The following CCDC191 variants were observed in gnomAD, a reference collection of about 807,000 sequenced individuals.
The protein encoded by CCDC191 is coiled-coil domain containing 191.
In CCDC191, 99 loss-of-function variants were observed where a neutral mutation model predicts 114.0. The ratio of observed to expected loss-of-function variants is 0.87; its 90% CI spans 0.74 to 1.03. CCDC191 has a LOEUF of 1.03. CCDC191 is among the 50% of genes least tolerant of loss of function. The pLI is 0.00. For missense variants in CCDC191, 973 were observed against 1,087.0 expected (o/e 0.90, Z 1.47); for synonymous variants, 351 against 376.0 (o/e 0.93, Z 0.77).
intron 16 of CCDC191, among the ~76,000 whole-genome samples, chr3:113,967,730 C>A (rs1559863517): frequency 6.6e-6 from 1 of 152,100 alleles, no homozygotes; most frequent in Non-Finnish European, 1.5e-5. Context: ...AACATTAGGC[C>A]TTATTGCTTC....
intron 8 of CCDC191, among the ~76,000 whole-genome samples, chr3:114,017,181 C>G (rs1052101936): frequency 1.3e-5 from 2 of 149,576 alleles, no homozygotes; most frequent in African/African-American, 4.9e-5. Flanking sequence ...AGTTGACGTA[C>G]TTGACAACCA....
intron 13 of CCDC191, among the ~76,000 whole-genome samples, chr3:113,981,869 A>G (rs997432104): frequency 6.6e-6 from 1 of 152,118 alleles, no homozygotes; most frequent in African/African-American, 2.4e-5. Context: ...CAAGCTTTAT[A>G]CTCTTTATTT....
intron 16 of CCDC191, among the ~76,000 whole-genome samples, chr3:113,969,872 T>A (rs1280737692): frequency 6.6e-6 from 1 of 152,234 alleles, no homozygotes; most frequent in African/African-American, 2.4e-5. Flanking sequence ...ATTTTTTTTC[T>A]ATTTCCGTGA....
chr3:114,050,869 A>G (rs2076690747), intron 2 of CCDC191, among the ~76,000 whole-genome samples: 1 of 152,190 alleles, frequency 6.6e-6, no homozygotes, highest in South Asian at 2.1e-4. Context: ...AATGCCCTGG[A>G]GTAAGATGAG....
At chr3:113,999,714 CA>C (rs1004000212) in intron 13 of CCDC191, among the ~76,000 whole-genome samples, 1 of 152,096 alleles carries the variant, frequency 6.6e-6, no homozygotes, top group African/African-American at 2.4e-5. Context: ...GTTGTAGAAA[CA>C]AAAACTGTGT....
At chr3:113,991,204 C>A (rs2075550013) in intron 13 of CCDC191, among the ~76,000 whole-genome samples, 1 of 150,232 alleles carries the variant, frequency 6.7e-6, no homozygotes, top group Non-Finnish European at 1.5e-5. Flanking sequence ...CCACTGCACT[C>A]CAGCCTGGGC....
chr3:114,046,472 G>C, intron 3 of CCDC191, 119 bp downstream of exon 3: 1 of 716,080 alleles, frequency 1.4e-6, no homozygotes. Context: ...TTTCAGGGGA[G>C]TAGAAAGAAA....
intron 13 of CCDC191, among the ~76,000 whole-genome samples, chr3:113,991,090 G>C (rs991357017): frequency 3.3e-5 from 5 of 151,850 alleles, no homozygotes; most frequent in African/African-American, 9.7e-5. Context: ...ACAAAAATTA[G>C]CTGGGTGTGG....
At chr3:114,047,579 G>A (rs1025465845) in intron 2 of CCDC191, among the ~76,000 whole-genome samples, 4 of 151,932 alleles carry the variant, frequency 2.6e-5, no homozygotes, top group South Asian at 2.1e-4. Flanking sequence ...AGGAGGAATC[G>A]CTTGAGCCCA....
chr3:114,056,440 G>T lies in CCDC191; in HGVS notation c.27C>A (p.Ser9=), dbSNP rs543702207. The T allele has an allele frequency of 6.2e-7, 1 of 1,614,160 alleles. No homozygotes were observed. The highest frequency in any genetic ancestry group is 1.3e-5 in the African/African-American group (1 of 75,036). The change falls in exon 1 of 17, where the codon TCC becomes TCA. Residue 9 remains serine, a synonymous_variant. Transcript: ENST00000295878. Reference sequence around the variant, plus strand: ...TCAGCCCCATCCTTTTCTTTGAGAAGGACCTTCCCTGAGGCGCCAGGAGCA... The same window carrying T: ...TCAGCCCCATCCTTTTCTTTGAGAATGACCTTCCCTGAGGCGCCAGGAGCA... MLLAPQGR[S]FSKKRMGLNR...
chr3:113,975,830 G>A (rs1941286731), intron 16 of CCDC191, among the ~76,000 whole-genome samples: 1 of 152,202 alleles, frequency 6.6e-6, no homozygotes, highest in Non-Finnish European at 1.5e-5. Flanking sequence ...AAAGTGGGAA[G>A]AGATGAAATC....
chr3:114,036,893 C>T (rs377232136), intron 4 of CCDC191, 107 bp from the exon 5 acceptor site: 5 of 680,786 alleles, frequency 7.3e-6, no homozygotes, highest in Middle Eastern at 4.5e-4. Context: ...TACAAAGCTG[C>T]GAGTGTTCAA....
In CCDC191 at chr3:114,006,177, G is replaced by A. The variant is rs1434827414; in HGVS notation, c.1414-215C>T. ...GAAAACTGGGAGAGTGGCCGGCTGT[G>A]GTGGCTCATGCCTGTAATCCCAGCA... On this transcript the variant is annotated intron_variant, in intron 9 of 16. Coordinates refer to ENST00000295878, the MANE Select transcript of CCDC191 (RefSeq NM_020817.2). 3.0e-5 allele frequency: 19 copies of A among 642,548 alleles called. No homozygotes were observed. In the East Asian group the frequency reaches 5.4e-4, roughly 18 times the overall value. 39.8% of individuals were successfully genotyped at this position (642,548 alleles called of 1,614,324 possible).
intron 13 of CCDC191, among the ~76,000 whole-genome samples, chr3:113,990,396 A>G (rs1159758028): frequency 6.6e-6 from 1 of 152,060 alleles, no homozygotes; most frequent in Non-Finnish European, 1.5e-5. Context: ...AAGAAGAAAA[A>G]AAGAACTGAA....
intron 8 of CCDC191, 69 bp from the exon 9 acceptor site, chr3:114,011,090 A>G: frequency 6.7e-7 from 1 of 1,496,150 alleles, no homozygotes; most frequent in Non-Finnish European, 9.0e-7. Context: ...AATATAAATG[A>G]AACATAAGTC....
Position 114,035,011 on chromosome 3 carries a change from T to C in CCDC191, c.732A>G (p.Lys244=), listed in dbSNP as rs1224237025. ...TCTCCCTTTGAATCTCCTCTTCCTC[T>C]TTCTTGGCCTCCAGAGCCTTCCTTT... ...EKKRKALEAK[K]EEEEIQREMV... Residue 244 remains lysine, a synonymous_variant, in exon 6 of 17, where the codon AAA becomes AAG. Transcript: ENST00000295878. The C allele has an allele frequency of 2.5e-6, 4 of 1,614,116 alleles. No homozygotes were observed. The highest frequency in any genetic ancestry group is 3.3e-5 in the Admixed American group (2 of 60,006).
At chr3:113,976,174 G>C (rs1268292460) in intron 16 of CCDC191, among the ~76,000 whole-genome samples, 1 of 151,986 alleles carries the variant, frequency 6.6e-6, no homozygotes, top group East Asian at 1.9e-4. Flanking sequence ...CATGAGAATC[G>C]CTTGAACCCA....
chr3:114,020,565 C>T (rs1372918139), intron 7 of CCDC191, among the ~76,000 whole-genome samples: 1 of 152,094 alleles, frequency 6.6e-6, no homozygotes, highest in Non-Finnish European at 1.5e-5. Context: ...ACTGGATACT[C>T]TTTCAGTTGT....
At position 114,005,740 on chromosome 3, in the gene CCDC191, G is replaced by T. The variant is rs1194344960; in HGVS notation, c.1636C>A (p.Pro546Thr). ...TLRTTSQKAE[P>T]LCLGHFHNRH... Reference sequence around the variant, plus strand: ...TTGTGGAAATGACCCAAGCAAAGCGGTTCTGCTTTCTGGCTGGTAGTTCTG... The same window carrying T: ...TTGTGGAAATGACCCAAGCAAAGCGTTTCTGCTTTCTGGCTGGTAGTTCTG... The change falls in exon 10 of 17, where the codon CCG becomes ACG. Residue 546 changes from proline (P) to threonine (T), a missense_variant. Pro to Thr is a conservative substitution (Grantham distance 38). Transcript: ENST00000295878. 1 of 1,614,156 alleles carries T rather than the reference G, an allele frequency of 6.2e-7. No individual in the cohort carries two copies. Among genetic ancestry groups the T allele is most frequent in the East Asian group, 2.2e-5 (1 of 44,876 alleles).
Sources: allele counts gnomAD v4.1 joint callset (sites outside exome capture counted in the v4.1 genomes callset), GRCh38; gene constraint gnomAD v4.1.1; transcripts MANE v1.5; gene names NCBI Gene and HGNC (gene_info 2026-07-23, HGNC 2026-07-21).